The following SGCE variants were observed in gnomAD, a reference collection of about 807,000 sequenced individuals.
SGCE encodes sarcoglycan epsilon, also known as epsilon-sarcoglycan.
A neutral mutation model predicts 57.8 loss-of-function variants in SGCE; 26 were observed. That is an observed-to-expected ratio of 0.45 (90% confidence interval 0.33 to 0.62). The LOEUF is 0.62. SGCE is among the 20% of genes least tolerant of loss of function. The probability of loss-of-function intolerance (pLI) is 0.02; values close to 1 mark genes in which losing one functional copy is unlikely to be tolerated. For synonymous variants in SGCE, 183 were observed against 189.5 expected (o/e 0.97, Z 0.28); for missense variants, 468 against 548.6 (o/e 0.85, Z 1.47).
chr7:94,608,312 G>A (rs1800475435), intron 5 of SGCE, among the ~76,000 whole-genome samples: 1 of 152,114 alleles, frequency 6.6e-6, no homozygotes, highest in African/African-American at 2.4e-5. Context: ...CTCCAGCCTG[G>A]GCGACAGAGT....
chr7:94,643,025 C>A (rs552451419), intron 1 of SGCE, among the ~76,000 whole-genome samples: 1 of 152,308 alleles, frequency 6.6e-6, no homozygotes, highest in African/African-American at 2.4e-5. Flanking sequence ...TGGGTAGTTA[C>A]CATAAAGAAA....
chr7:94,604,404 G>C (rs868706451), intron 5 of SGCE, among the ~76,000 whole-genome samples: 20 of 150,386 alleles, frequency 1.3e-4, no homozygotes, highest in Middle Eastern at 3.4e-3. Context: ...ATAGCACCCA[G>C]AATAGCCATA....
At chr7:94,630,298 G>C (rs1804489038) in intron 1 of SGCE, among the ~76,000 whole-genome samples, 1 of 151,506 alleles carries the variant, frequency 6.6e-6, no homozygotes, top group South Asian at 2.1e-4. Context: ...TATACTAATT[G>C]TTTTCTAGAC....
chr7:94,599,375 G>T (rs1584524868), intron 8 of SGCE: 1 of 318,832 alleles, frequency 3.1e-6, no homozygotes, highest in Non-Finnish European at 5.7e-6. Context: ...TGGAAAACTT[G>T]TATGAAAGGT....
At chr7:94,588,252 C>T in intron 10 of SGCE, 2 of 1,038,908 alleles carry the variant, frequency 1.9e-6, no homozygotes, top group Non-Finnish European at 2.3e-6. Flanking sequence ...AAAACCAGGC[C>T]AGCCATTTCT....
In SGCE at chr7:94,628,302, C is replaced by T. The variant is rs11548285; in HGVS notation, c.290G>A (p.Arg97Gln). 7.4e-6 allele frequency: 12 copies of T among 1,611,536 alleles called. No individual in the cohort carries two copies. The highest frequency in any genetic ancestry group is 4.4e-5 in the South Asian group (4 of 90,964). Residue 97 changes from arginine to glutamine, a missense_variant, in exon 3 of 11, where the codon CGA (arginine) becomes CAA (glutamine). Transcript: ENST00000648936. ...TTGGATATATCGAAGCCATCCAGGT[C>T]GGTCTGGGTAACCCATTAAATTTGT... ...FNTNLMGYPD[R>Q]PGWLRYIQRT...
At chr7:94,601,679 T>C (rs1799295658) in intron 6 of SGCE, among the ~76,000 whole-genome samples, 3 of 152,076 alleles carry the variant, frequency 2.0e-5, no homozygotes, top group African/African-American at 2.4e-5. Flanking sequence ...AAAACTCCAC[T>C]TGAAAAATTT....
At chr7:94,593,480 T>C (rs1162853252) in intron 9 of SGCE, among the ~76,000 whole-genome samples, 1 of 151,990 alleles carries the variant, frequency 6.6e-6, no homozygotes, top group Non-Finnish European at 1.5e-5. Context: ...ACAGCATACC[T>C]CACTACAAAT....
intron 5 of SGCE, among the ~76,000 whole-genome samples, chr7:94,613,238 T>A (rs28380230): frequency 0.076 from 11,556 of 152,320 alleles, 524 homozygotes; most frequent in East Asian, 0.17. Flanking sequence ...TTGAACACAC[T>A]GGCTTTTAAA....
chr7:94,616,675 G>A (rs1183329468), intron 5 of SGCE, among the ~76,000 whole-genome samples: 1 of 151,932 alleles, frequency 6.6e-6, no homozygotes, highest in Non-Finnish European at 1.5e-5. Flanking sequence ...AGGCAACAGG[G>A]CTAAAAAATT....
intron 1 of SGCE, among the ~76,000 whole-genome samples, chr7:94,637,756 G>A (rs918605769): frequency 6.6e-6 from 1 of 152,134 alleles, no homozygotes; most frequent in Non-Finnish European, 1.5e-5. Flanking sequence ...GAGGTTCCAG[G>A]GATCAAAGCT....
intron 1 of SGCE, among the ~76,000 whole-genome samples, chr7:94,655,582 G>T (rs562345526): frequency 6.6e-6 from 1 of 152,122 alleles, no homozygotes; most frequent in African/African-American, 2.4e-5. Flanking sequence ...CCTTTGGCTC[G>T]CATCGCGGTC....
rs903595952 is a variant in SGCE at position 94,585,478 on chromosome 7, G to A, written c.*21C>T. On this transcript the variant is annotated 3_prime_UTR_variant, in exon 11 of 11. Transcript: ENST00000648936. ...TATATTGTCTGATTATAAATTCATT[G>A]CTTCAGTCAGTTTTCTTTCTTCAGG... 4 of 1,602,824 alleles carry A rather than the reference G, an allele frequency of 2.5e-6. No individual in the cohort carries two copies. Among genetic ancestry groups the A allele is most frequent in the Non-Finnish European group, 3.4e-6 (4 of 1,169,900 alleles).
intron 5 of SGCE, among the ~76,000 whole-genome samples, chr7:94,610,174 A>C (rs1451741176): frequency 6.6e-6 from 1 of 152,238 alleles, no homozygotes; most frequent in Non-Finnish European, 1.5e-5. Context: ...GGAGACAGTA[A>C]AAACATCAAT....
chr7:94,637,495 CTAGT>C (rs778681260), intron 1 of SGCE, among the ~76,000 whole-genome samples: 5 of 152,144 alleles, frequency 3.3e-5, no homozygotes, highest in Non-Finnish European at 7.3e-5. Context: ...TCTGAAAACT[CTAGT>C]TATCTCTTGG....
chr7:94,589,312 A>C (rs1157097378), intron 9 of SGCE: 1 of 156,004 alleles, frequency 6.4e-6, no homozygotes, highest in Non-Finnish European at 1.4e-5. Flanking sequence ...GGGACTTTTG[A>C]CATTTCTTTT....
chr7:94,653,709 T>A (rs1186034216), intron 1 of SGCE, among the ~76,000 whole-genome samples: 1 of 152,152 alleles, frequency 6.6e-6, no homozygotes, highest in East Asian at 1.9e-4. Flanking sequence ...TGATGCTGTT[T>A]TTTCCCTTAG....
At chr7:94,647,323 C>T (rs1476623746) in intron 1 of SGCE, among the ~76,000 whole-genome samples, 1 of 152,092 alleles carries the variant, frequency 6.6e-6, no homozygotes, top group Non-Finnish European at 1.5e-5. Flanking sequence ...AACTTAGCAC[C>T]AAATTCAATG....
intron 1 of SGCE, among the ~76,000 whole-genome samples, chr7:94,649,123 A>C (rs887290704): frequency 2.6e-5 from 4 of 152,258 alleles, no homozygotes; most frequent in African/African-American, 9.6e-5. Flanking sequence ...ATCTATTCCA[A>C]AAAATTGATT....
Sources: gnomAD v4.1 joint callset for allele counts (sites outside exome capture counted in the v4.1 genomes callset) on GRCh38, gnomAD v4.1.1 for gene constraint, MANE v1.5 for transcripts, NCBI Gene and HGNC (gene_info 2026-07-23, HGNC 2026-07-21) for gene names.